MICAL2: variants seen among roughly 807,000 people sequenced by gnomAD.
MICAL2 encodes the protein microtubule associated monooxygenase, calponin and LIM domain containing 2, also known as [F-actin]-monooxygenase MICAL2.
In MICAL2, 77 loss-of-function variants were observed where a neutral mutation model predicts 127.3. The observed-to-expected ratio is 0.60, with a 90% CI of 0.50 to 0.73. The LOEUF is 0.73. MICAL2 is among the 30% of genes least tolerant of loss of function. The pLI is 0.00. For synonymous variants in MICAL2, 570 were observed against 551.1 expected (o/e 1.03, Z -0.48); for missense variants, 1,351 against 1,434.4 (o/e 0.94, Z 0.94).
chr11:12,325,528 G>A (rs1864344983), intron 31 of MICAL2, among the ~76,000 whole-genome samples: 1 of 152,234 alleles, frequency 6.6e-6, no homozygotes, highest in African/African-American at 2.4e-5. Flanking sequence ...CTGGAGCTGA[G>A]AAGTCCAAGA....
intron 26 of MICAL2, chr11:12,260,687 A>G (rs775864475): frequency 1.5e-4 from 152 of 985,592 alleles, no homozygotes; most frequent in Non-Finnish European, 1.5e-4. Context: ...ACACGAAAGC[A>G]TAATTATTTT....
chr11:12,238,283 A>G (rs2134439939), intron 16 of MICAL2, among the ~76,000 whole-genome samples: 1 of 152,324 alleles, frequency 6.6e-6, no homozygotes, highest in Middle Eastern at 3.4e-3. Flanking sequence ...ATCCCGTAGT[A>G]AGGGGGAACA....
rs929918868 is a variant in MICAL2, at chr11:12,201,965, A to C, written c.265-2285A>C. ...AAAACCCCATCTCTACTAAAAATAC[A>C]AAAAAAATTAGCCAGGCATGGTGGC... On this transcript the variant is annotated intron_variant, in intron 3 of 27. Coordinates refer to ENST00000683283, the MANE Select transcript of MICAL2 (RefSeq NM_001282663.2). Among the ~76,000 whole-genome samples the C allele has an allele frequency of 2.0e-5, 3 of 151,800 alleles. No homozygotes were observed. In the East Asian group the frequency reaches 5.8e-4, roughly 29 times the overall value.
chr11:12,178,614 C>T (rs927050005), intron 3 of MICAL2, among the ~76,000 whole-genome samples: 2 of 151,958 alleles, frequency 1.3e-5, no homozygotes, highest in Non-Finnish European at 2.9e-5. Context: ...GTTGTGGAAG[C>T]TAAGATTCGT....
At chr11:12,221,597 C>T (rs1048245287) in intron 9 of MICAL2, 47 bp from the exon 10 acceptor site, 11 of 1,326,084 alleles carry the variant, frequency 8.3e-6, no homozygotes, top group South Asian at 6.2e-5. Flanking sequence ...GATCATAGAT[C>T]GGGAGTCATC....
intron 30 of MICAL2, among the ~76,000 whole-genome samples, chr11:12,323,820 TC>T (rs1255124522): frequency 1.3e-5 from 2 of 152,250 alleles, no homozygotes; most frequent in African/African-American, 4.8e-5. Context: ...ATAGGTTATT[TC>T]TATCATTGCA....
chr11:12,182,640 C>T (rs563448312), intron 3 of MICAL2, among the ~76,000 whole-genome samples: 10 of 152,264 alleles, frequency 6.6e-5, no homozygotes, highest in Admixed American at 2.0e-4. Context: ...TGTGATTCTA[C>T]GTTTTTCCTT....
At chr11:12,199,034 A>C (rs1303336053) in intron 3 of MICAL2, among the ~76,000 whole-genome samples, 1 of 152,180 alleles carries the variant, frequency 6.6e-6, no homozygotes, top group Non-Finnish European at 1.5e-5. Flanking sequence ...CTTCACTGTC[A>C]GTCAAGCCGG....
At chr11:12,293,494 TG>T, downstream of MICAL2, 1 of 1,501,494 alleles carries the variant, frequency 6.7e-7, no homozygotes, top group Non-Finnish European at 8.9e-7. Context: ...GATTGAGATT[TG>T]CTTTCATCAT....
At chr11:12,259,085 C>T (rs1371826012) in intron 25 of MICAL2, among the ~76,000 whole-genome samples, 1 of 152,234 alleles carries the variant, frequency 6.6e-6, no homozygotes, top group African/African-American at 2.4e-5. Flanking sequence ...CCACTAGCAA[C>T]AACCCATAAC....
chr11:12,362,047 A>T (rs1939212843), downstream of MICAL2, among the ~76,000 whole-genome samples: 1 of 152,226 alleles, frequency 6.6e-6, no homozygotes. Flanking sequence ...AACAATTGGG[A>T]ACTATTCATG....
downstream of MICAL2, among the ~76,000 whole-genome samples, chr11:12,268,766 G>A (rs568142224): frequency 8.2e-4 from 125 of 152,170 alleles, no homozygotes; most frequent in Middle Eastern, 0.02. Context: ...CAAGGTGGGC[G>A]GATCAGGAGG....
intron 7 of MICAL2, 59 bp from the exon 8 acceptor site, chr11:12,216,160 C>T: frequency 7.7e-7 from 1 of 1,296,034 alleles, no homozygotes. Context: ...AGTACAGTTC[C>T]TGGCACACAG....
intron 32 of MICAL2, among the ~76,000 whole-genome samples, chr11:12,335,326 T>G (rs1404020677): frequency 3.3e-5 from 5 of 152,226 alleles, no homozygotes; most frequent in African/African-American, 1.2e-4. Context: ...TAAATTTGTT[T>G]GAGTTCATTG....
At chr11:12,294,646 A>G (rs1015327084), downstream of MICAL2, 2 of 1,614,148 alleles carry the variant, frequency 1.2e-6, no homozygotes, top group East Asian at 4.5e-5. Flanking sequence ...TCAAAGACAA[A>G]TCTTTTGAGA....
In MICAL2 at chr11:12,236,250, G is replaced by C. The variant is rs1339810710; in HGVS notation, c.2064+5G>C. On this transcript the variant is annotated splice_donor_5th_base_variant and intron_variant, in intron 16 of 27. Transcript: ENST00000683283. Reference sequence around the variant, plus strand: ...GGCTTCACCAACCTGGACGAGGTTTGTGTACACAGTGTGGCTTTAAACAGA... The same window carrying C: ...GGCTTCACCAACCTGGACGAGGTTTCTGTACACAGTGTGGCTTTAAACAGA... 1 of 1,613,912 alleles carries C rather than the reference G, an allele frequency of 6.2e-7. No homozygotes were observed. The highest frequency in any genetic ancestry group is 1.1e-5 in the South Asian group (1 of 91,086).
At chr11:12,286,814 G>A (rs188819900) in intron 2 of MICAL2, 39 of 259,234 alleles carry the variant, frequency 1.5e-4, no homozygotes, top group East Asian at 6.0e-4. Context: ...GGTCGAGGGG[G>A]CAGTGAGCCA....
At chr11:12,148,942 T>A (rs2133700106) in intron 2 of MICAL2, among the ~76,000 whole-genome samples, 1 of 152,304 alleles carries the variant, frequency 6.6e-6, no homozygotes, top group South Asian at 2.1e-4. Context: ...ACCCATTTTA[T>A]GGATGAAGAA....
At position 12,220,324 on chromosome 11, in the gene MICAL2, A is replaced by G. The variant is rs1856669214; in HGVS notation, c.1072A>G (p.Met358Val). 2 of 1,614,236 alleles carry G rather than the reference A, an allele frequency of 1.2e-6. No homozygotes were observed. Among genetic ancestry groups the G allele is most frequent in the Non-Finnish European group, 1.7e-6 (2 of 1,180,034 alleles). The change falls in exon 9 of 28, where the codon ATG (methionine) becomes GTG (valine). Residue 358 changes from methionine (M) to valine (V), a missense_variant. Coordinates refer to ENST00000683283, the MANE Select transcript of MICAL2 (RefSeq NM_001282663.2). ...CCAGCTGCCATCCTTAGACTTTGCC[A>G]TGAACCACTATGGGCAGCCTGATGT... The part of the protein sequence containing the change: ...NYQLPSLDFA[M>V]NHYGQPDVAM...
Sources: gnomAD v4.1 joint callset for allele counts (sites outside exome capture counted in the v4.1 genomes callset) on GRCh38, gnomAD v4.1.1 for gene constraint, MANE v1.5 for transcripts, NCBI Gene and HGNC (gene_info 2026-07-23, HGNC 2026-07-21) for gene names.